The following GABBR2 variants were observed in gnomAD, a reference collection of about 807,000 sequenced individuals.
GABBR2 encodes G-protein coupled receptor 51.
Under a neutral mutation model 105.6 loss-of-function variants are expected in GABBR2, and 23 were observed. That is an observed-to-expected ratio of 0.22 (90% CI 0.16 to 0.31). The LOEUF is 0.31. Ranked by LOEUF, GABBR2 falls within the 10% of genes least tolerant of loss-of-function variation. The probability of loss-of-function intolerance (pLI) is 1.00; values close to 1 mark genes in which losing one functional copy is unlikely to be tolerated. For missense variants in GABBR2, 734 were observed against 1,245.5 expected, an observed-to-expected ratio of 0.59 and a Z score of 6.18; for synonymous variants, 478 against 499.7, an observed-to-expected ratio of 0.96 and a Z score of 0.58.
chr9:98,707,950 G>C (rs1830921664), intron 1 of GABBR2, among the ~76,000 whole-genome samples: 2 of 152,218 alleles, frequency 1.3e-5, no homozygotes, highest in South Asian at 2.1e-4. Context: ...CTCAAAGCGC[G>C]GCTCGGCTTC....
At chr9:98,569,243 G>A (rs915717754) in intron 2 of GABBR2, among the ~76,000 whole-genome samples, 1 of 152,150 alleles carries the variant, frequency 6.6e-6, no homozygotes, top group Non-Finnish European at 1.5e-5. Context: ...CTGTGGAAGG[G>A]TGTGGCAGTC....
Position 98,648,910 on chromosome 9 carries a change from G to T in GABBR2, c.321+59507C>A, listed in dbSNP as rs556495879. ...GATGACCTCACTGAACTAATACCTGGTGATAATTCCCCAATTTCTAGGCAT... is the reference window on the plus strand; with the variant it reads ...GATGACCTCACTGAACTAATACCTGTTGATAATTCCCCAATTTCTAGGCAT... On this transcript the variant is annotated intron_variant, in intron 1 of 18. Coordinates refer to ENST00000259455, the MANE Select transcript of GABBR2 (RefSeq NM_005458.8). Among the ~76,000 whole-genome samples, 4 of 152,200 alleles carry T rather than the reference G, an allele frequency of 2.6e-5. No individual in the cohort carries two copies. In the East Asian group the frequency reaches 7.7e-4, roughly 29 times the overall value.
At chr9:98,424,595 C>T (rs1832841364) in intron 7 of GABBR2, among the ~76,000 whole-genome samples, 1 of 151,092 alleles carries the variant, frequency 6.6e-6, no homozygotes, top group African/African-American at 2.4e-5. Context: ...ATTGTCTCAG[C>T]CCAAAATCTC....
intron 1 of GABBR2, among the ~76,000 whole-genome samples, chr9:98,644,122 C>T (rs991375829): frequency 2.6e-5 from 4 of 152,168 alleles, no homozygotes; most frequent in Admixed American, 6.5e-5. Context: ...ATGACCCATC[C>T]GGATCTTCAC....
chr9:98,649,676 T>C (rs1564141278), intron 1 of GABBR2, among the ~76,000 whole-genome samples: 1 of 152,166 alleles, frequency 6.6e-6, no homozygotes, highest in Non-Finnish European at 1.5e-5. Context: ...CAATACAAAA[T>C]ATGCCTGTGT....
intron 7 of GABBR2, among the ~76,000 whole-genome samples, chr9:98,439,307 G>T (rs1035665782): frequency 1.3e-5 from 2 of 152,206 alleles, no homozygotes; most frequent in Non-Finnish European, 2.9e-5. Context: ...CCTCCTGTGA[G>T]ATGACCTGAC....
At chr9:98,382,767 C>A (rs1832001528) in intron 11 of GABBR2, among the ~76,000 whole-genome samples, 1 of 152,170 alleles carries the variant, frequency 6.6e-6, no homozygotes, top group Admixed American at 6.5e-5. Flanking sequence ...CACCACTGCC[C>A]AGGAAAGCTG....
intron 1 of GABBR2, chr9:98,607,580 C>A: frequency 1.5e-6 from 1 of 679,150 alleles, no homozygotes; most frequent in Admixed American, 2.4e-5. Flanking sequence ...GGTAGTAATA[C>A]TATCATCAAA....
At chr9:98,440,184 C>T (rs1826005060) in intron 7 of GABBR2, among the ~76,000 whole-genome samples, 1 of 146,790 alleles carries the variant, frequency 6.8e-6, no homozygotes, top group Non-Finnish European at 1.5e-5. Flanking sequence ...GCCTCAGTTG[C>T]AGCCACACTG....
At chr9:98,434,484 T>A (rs1381351348) in intron 7 of GABBR2, among the ~76,000 whole-genome samples, 2 of 152,198 alleles carry the variant, frequency 1.3e-5, no homozygotes, top group African/African-American at 4.8e-5. Context: ...GAAGCTCTGA[T>A]TTGTAGCGTT....
chr9:98,432,640 C>T (rs1042827436), intron 7 of GABBR2, among the ~76,000 whole-genome samples: 8 of 152,256 alleles, frequency 5.3e-5, no homozygotes, highest in East Asian at 3.9e-4. Flanking sequence ...GGGCTTGTTC[C>T]GAGGAAATTT....
chr9:98,372,787 T>C (rs969090509), intron 11 of GABBR2, among the ~76,000 whole-genome samples: 21 of 152,278 alleles, frequency 1.4e-4, no homozygotes, highest in Non-Finnish European at 2.8e-4. Context: ...AGACAGAACA[T>C]TTTGCGTTTC....
At chr9:98,402,107 T>C (rs1238250973) in intron 8 of GABBR2, among the ~76,000 whole-genome samples, 1 of 152,184 alleles carries the variant, frequency 6.6e-6, no homozygotes, top group African/African-American at 2.4e-5. Context: ...GAGCCCTTTA[T>C]GTTGCATAGA....
intron 3 of GABBR2, among the ~76,000 whole-genome samples, chr9:98,513,740 T>C (rs1444934473): frequency 1.3e-5 from 2 of 152,066 alleles, no homozygotes; most frequent in Admixed American, 6.6e-5. Context: ...TGGCGATCAT[T>C]AAAAAGTCAG....
intron 13 of GABBR2, among the ~76,000 whole-genome samples, chr9:98,361,904 T>C (rs1831592126): frequency 6.6e-6 from 1 of 152,228 alleles, no homozygotes; most frequent in African/African-American, 2.4e-5. Flanking sequence ...TCTAGAAAGA[T>C]AAAAGGCTCT....
At chr9:98,416,722 A>G (rs1288171026) in intron 7 of GABBR2, among the ~76,000 whole-genome samples, 1 of 152,202 alleles carries the variant, frequency 6.6e-6, no homozygotes, top group African/African-American at 2.4e-5. Context: ...TGAAAAGCTC[A>G]TCTCTGTCCT....
At chr9:98,619,266 C>G (rs188559184) in intron 1 of GABBR2, among the ~76,000 whole-genome samples, 17 of 151,958 alleles carry the variant, frequency 1.1e-4, no homozygotes. Flanking sequence ...TTTAACCCCC[C>G]ACCCCTGCCC....
rs118189872 is a variant in GABBR2, at chr9:98,696,037, G to T, written c.321+12380C>A. Among the ~76,000 whole-genome samples, 486 of 152,342 alleles carry T rather than the reference G, an allele frequency of 3.2e-3. 9 individuals are homozygous for T. In the East Asian group the frequency reaches 0.037, roughly 12 times the overall value. On this transcript the variant is annotated intron_variant, in intron 1 of 18. Coordinates refer to ENST00000259455, the MANE Select transcript of GABBR2 (RefSeq NM_005458.8). ...CACTCATGGAGTTCACAGTCCCCTT[G>T]TGAAGCAGGAGGGAGACCAATAGGG...
chr9:98,412,808 C>T (rs1189880292), intron 7 of GABBR2, among the ~76,000 whole-genome samples: 1 of 152,156 alleles, frequency 6.6e-6, no homozygotes, highest in Non-Finnish European at 1.5e-5. Context: ...CGGAGAGAGC[C>T]CTGCGCTTCC....
Sources: allele counts gnomAD v4.1 joint callset (sites outside exome capture counted in the v4.1 genomes callset), GRCh38; gene constraint gnomAD v4.1.1; transcripts MANE v1.5; gene names NCBI Gene and HGNC (gene_info 2026-07-23, HGNC 2026-07-21).